Variants in PTPRQ observed in about 807,000 individuals in gnomAD.
PTPRQ encodes the protein phosphatidylinositol phosphatase PTPRQ.
Under a neutral mutation model 246.0 loss-of-function variants are expected in PTPRQ, and 199 were observed. The ratio of observed to expected loss-of-function variants is 0.81; its 90% CI spans 0.72 to 0.91. The LOEUF (loss-of-function observed/expected upper bound fraction) is 0.91. Among genes scored for constraint, PTPRQ ranks in the 40% least tolerant of loss-of-function variants. The pLI is 0.00. For missense variants in PTPRQ, 2,624 were observed against 2,528.4 expected, an observed-to-expected ratio of 1.04 and a Z score of -0.81; for synonymous variants, 869 against 853.2, an observed-to-expected ratio of 1.02 and a Z score of -0.32.
intron 37 of PTPRQ, among the ~76,000 whole-genome samples, chr12:80,650,825 A>G (rs1031203833): frequency 1.6e-5 from 2 of 127,050 alleles, no homozygotes; most frequent in African/African-American, 4.8e-5. Flanking sequence ...ATTAGCAATA[A>G]CATTTTCACA....
intron 3 of PTPRQ, among the ~76,000 whole-genome samples, chr12:80,456,848 T>A (rs1892997994): frequency 6.6e-6 from 1 of 152,146 alleles, no homozygotes; most frequent in African/African-American, 2.4e-5. Flanking sequence ...CACAATCCTA[T>A]AACATAGATA....
In PTPRQ at chr12:80,541,614, G is replaced by C. The variant is rs1350829945; in HGVS notation, c.3214G>C (p.Val1072Leu). 3.2e-6 allele frequency: 5 copies of C among 1,546,198 alleles called. No homozygotes were observed. The Admixed American group carries it at 7.9e-5, about 25-fold the overall frequency. Residue 1072 changes from valine to leucine, a missense_variant, in exon 21 of 45, where the codon GTA becomes CTA. Physicochemically the swap from Val to Leu is conservative, Grantham distance 32. Coordinates refer to ENST00000644991, the MANE Select transcript of PTPRQ (RefSeq NM_001145026.2). ...ATCCATTTCGTCAACTGCAATAAATGTAAGCTGGGTCCCACCGGCTCAACC... is the reference window on the plus strand; with the variant it reads ...ATCCATTTCGTCAACTGCAATAAATCTAAGCTGGGTCCCACCGGCTCAACC... ...YESISSTAIN[V>L]SWVPPAQPNG... is the part of the protein sequence containing the mutation.
intron 35 of PTPRQ, among the ~76,000 whole-genome samples, chr12:80,640,465 G>T (rs1222981985): frequency 6.6e-6 from 1 of 152,142 alleles, no homozygotes; most frequent in South Asian, 2.1e-4. Flanking sequence ...TACAAGAAAT[G>T]TTCTATGCTT....
intron 3 of PTPRQ, among the ~76,000 whole-genome samples, chr12:80,448,463 T>C (rs10047565): frequency 0.39 from 58,879 of 151,706 alleles, 13,081 homozygotes; most frequent in African/African-American, 0.61. Context: ...CATGCTGGTG[T>C]GCTGCACCCA....
intron 32 of PTPRQ, among the ~76,000 whole-genome samples, chr12:80,621,768 A>G (rs1377122101): frequency 6.6e-6 from 1 of 151,952 alleles, no homozygotes; most frequent in Non-Finnish European, 1.5e-5. Context: ...ATCTAAACAA[A>G]TCCTTGAAGG....
chr12:80,444,979 G>T (rs1305663258), intron 2 of PTPRQ, 130 bp downstream of exon 2: 1 of 1,087,996 alleles, frequency 9.2e-7, no homozygotes, highest in Non-Finnish European at 1.2e-6. Context: ...AGGCAAAATG[G>T]AAACAAGAAA....
intron 4 of PTPRQ, among the ~76,000 whole-genome samples, chr12:80,458,083 G>A (rs1272925195): frequency 6.6e-6 from 1 of 151,846 alleles, no homozygotes; most frequent in Non-Finnish European, 1.5e-5. Context: ...AAGACTTTTG[G>A]AAACACGGAT....
At chr12:80,666,124 G>A (rs546882182) in intron 39 of PTPRQ, among the ~76,000 whole-genome samples, 6 of 152,126 alleles carry the variant, frequency 3.9e-5, no homozygotes, top group Middle Eastern at 3.4e-3. Flanking sequence ...CGCAGTAAGT[G>A]CTGCAGCACT....
rs1894955943 is a variant in PTPRQ, at chr12:80,506,219, A to G, written c.2455+13A>G. On this transcript the variant is annotated intron_variant, in intron 15 of 44. Coordinates refer to ENST00000644991, the MANE Select transcript of PTPRQ (RefSeq NM_001145026.2). Reference sequence around the variant, plus strand: ...CAAAACATTAAAGGTAAAAGAACAAATCTAATATTGGATATTTGCATTTAT... The same window carrying G: ...CAAAACATTAAAGGTAAAAGAACAAGTCTAATATTGGATATTTGCATTTAT... 6.9e-7 allele frequency: 1 copy of G among 1,451,866 alleles called. No individual in the cohort carries two copies. The highest frequency in any genetic ancestry group is 1.5e-5 in the African/African-American group (1 of 68,684). 89.9% of individuals were successfully genotyped at this position (1,451,866 alleles called of 1,614,324 possible). A position where few individuals can be genotyped will look rare whatever the true frequency, so the allele number is the denominator to read the frequency against.
rs577286716 is a variant in PTPRQ, at chr12:80,444,533, C to T, written c.54+134C>T. On this transcript the variant is annotated intron_variant, in intron 1 of 44. Coordinates refer to ENST00000644991, the MANE Select transcript of PTPRQ (RefSeq NM_001145026.2). ...TGACTTAGGCTGTGATAACGCAGTA[C>T]GTTTTGTAAGTTTTTATTTTAAAGT... is the stretch of plus-strand genomic sequence containing the variant. 9.5e-5 allele frequency: 67 copies of T among 707,580 alleles called. 1 individual carries two copies. In the South Asian group the frequency reaches 1.0e-3, roughly 11 times the overall value. 43.8% of individuals were successfully genotyped at this position (707,580 alleles called of 1,614,324 possible). A position where few individuals can be genotyped will look rare whatever the true frequency, so the allele number is the denominator to read the frequency against.
chr12:80,649,658 G>A lies in PTPRQ; in HGVS notation c.6013G>A (p.Glu2005Lys). The A allele has an allele frequency of 6.5e-7, 1 of 1,548,472 alleles. No homozygotes were observed. The highest frequency in any genetic ancestry group is 1.7e-4 in the Middle Eastern group (1 of 5,984). The change falls in exon 37 of 45, where the codon GAA becomes AAA. Residue 2005 changes from glutamate to lysine, a missense_variant. Coordinates refer to ENST00000644991, the MANE Select transcript of PTPRQ (RefSeq NM_001145026.2). ...CACAAACAACAACCTAAAGTTTCAA[G>A]AAGAATTTTCGGTATGTTACTAGCA... ...LCTNNNLKFQ[E>K]EFSELPKFLQ...
intron 28 of PTPRQ, 133 bp downstream of exon 28, chr12:80,610,758 ACT>A (rs1302423319): frequency 2.0e-6 from 2 of 1,021,648 alleles, no homozygotes; most frequent in African/African-American, 3.3e-5. Flanking sequence ...AAAATTAGTG[ACT>A]CTCTGCAACT....
rs549293040 is a variant in PTPRQ at position 80,649,874 on chromosome 12, A to G, written c.6024+205A>G. On this transcript the variant is annotated intron_variant, in intron 37 of 44. Transcript: ENST00000644991. ...ATCAGAATTATTCACCTACTGTGTC[A>G]GGAAAAGGTGGTCTTCTTCAGACCT... Among the ~76,000 whole-genome samples the G allele has an allele frequency of 9.7e-4, 148 of 152,254 alleles. No individual in the cohort carries two copies. The South Asian group carries it at 0.012, about 13-fold the overall frequency.
chr12:80,649,356 T>TA (rs2121222955), intron 36 of PTPRQ, among the ~76,000 whole-genome samples: 1 of 152,226 alleles, frequency 6.6e-6, no homozygotes, highest in African/African-American at 2.4e-5. Context: ...ATCCTTTATT[T>TA]AATGTCACTA....
chr12:80,467,862 T>A (rs1350946400), intron 6 of PTPRQ, among the ~76,000 whole-genome samples: 1 of 147,466 alleles, frequency 6.8e-6, no homozygotes, highest in Admixed American at 6.8e-5. Context: ...TGTTGTGGGG[T>A]GGGGGCAGGG....
At chr12:80,670,131 C>T in intron 41 of PTPRQ, among the ~76,000 whole-genome samples, 1 of 151,932 alleles carries the variant, frequency 6.6e-6, no homozygotes, top group East Asian at 1.9e-4. Context: ...ACATTTATTT[C>T]CAAGCTTTCT....
intron 33 of PTPRQ, among the ~76,000 whole-genome samples, chr12:80,630,883 A>G (rs1161122813): frequency 1.3e-5 from 2 of 151,816 alleles, no homozygotes; most frequent in African/African-American, 4.8e-5. Context: ...CGCCCAGCTA[A>G]TTTTTGTATT....
chr12:80,448,788 G>A (rs1178125609), intron 3 of PTPRQ, among the ~76,000 whole-genome samples: 11 of 148,732 alleles, frequency 7.4e-5, no homozygotes, highest in Non-Finnish European at 1.5e-4. Flanking sequence ...TGGACATTTG[G>A]GTTGGTTCCA....
intron 43 of PTPRQ, among the ~76,000 whole-genome samples, chr12:80,676,805 GA>G (rs936900338): frequency 3.9e-5 from 6 of 152,026 alleles, no homozygotes; most frequent in African/African-American, 1.2e-4. Flanking sequence ...GGAAGAAAAA[GA>G]AAAAAAGTCA....
Sources: allele counts gnomAD v4.1 joint callset (sites outside exome capture counted in the v4.1 genomes callset), GRCh38; gene constraint gnomAD v4.1.1; transcripts MANE v1.5; gene names NCBI Gene and HGNC (gene_info 2026-07-23, HGNC 2026-07-21).